The following ASAP2 variants were observed in gnomAD, a reference collection of about 807,000 sequenced individuals.
ASAP2 encodes the protein arf-GAP with SH3 domain, ANK repeat and PH domain-containing protein 2.
Under a neutral mutation model 131.4 loss-of-function variants are expected in ASAP2, and 45 were observed. The observed-to-expected ratio is 0.34, with a 90% CI of 0.27 to 0.44. The LOEUF (loss-of-function observed/expected upper bound fraction) is 0.44. ASAP2 is among the 20% of genes least tolerant of loss of function. ASAP2 has a pLI of 1.00. For missense variants in ASAP2, 1,011 were observed against 1,297.0 expected (o/e 0.78, Z 3.39); for synonymous variants, 510 against 503.0 (o/e 1.01, Z -0.19).
Position 9,356,211 on chromosome 2 carries a change from A to C in ASAP2, c.1193A>C (p.Glu398Ala). 8 of 1,614,118 alleles carry C rather than the reference A, an allele frequency of 5.0e-6. No homozygotes were observed. Among genetic ancestry groups the C allele is most frequent in the Non-Finnish European group, 6.8e-6 (8 of 1,179,978 alleles). The stretch of plus-strand genomic sequence containing the variant: ...TCTGTGCTGCAAAATAGCAAAGAAG[A>C]AGCTTTAAACAATGCATTTAAGGGG... ...WMSVLQNSKE[E>A]ALNNAFKGDD... Residue 398 changes from glutamate (E) to alanine (A), a missense_variant, in exon 14 of 28, where the codon GAA becomes GCA. Transcript: ENST00000281419.
intron 1 of ASAP2, among the ~76,000 whole-genome samples, chr2:9,276,602 A>G (rs186455110): frequency 5.9e-5 from 9 of 151,966 alleles, no homozygotes; most frequent in African/African-American, 2.2e-4. Context: ...TAGCGGCACA[A>G]TCTTGGCTCA....
intron 1 of ASAP2, among the ~76,000 whole-genome samples, chr2:9,274,514 A>C (rs536077751): frequency 2.0e-5 from 3 of 151,756 alleles, no homozygotes; most frequent in African/African-American, 7.3e-5. Flanking sequence ...GTAGAATCGG[A>C]GTTTTACCAT....
rs904530957 is a variant in ASAP2 at position 9,323,068 on chromosome 2, C to T, written c.471-53C>T. ...TACTGGGGTGGCTTCAAGGCTGTCC[C>T]GTTGAGTTCTGTGCCAACAGGCATC... On this transcript the variant is annotated intron_variant, in intron 5 of 27. Transcript: ENST00000281419. 40 of 1,609,444 alleles carry T rather than the reference C, an allele frequency of 2.5e-5. No homozygotes were observed. The African/African-American group carries it at 3.6e-4, about 15-fold the overall frequency.
chr2:9,297,797 A>G (rs1668237743), intron 3 of ASAP2, among the ~76,000 whole-genome samples: 1 of 152,186 alleles, frequency 6.6e-6, no homozygotes, highest in Non-Finnish European at 1.5e-5. Flanking sequence ...TAAGCTTATA[A>G]TATTTAATAA....
chr2:9,335,250 G>A (rs780537753), intron 9 of ASAP2, 71 bp downstream of exon 9: 2 of 1,373,832 alleles, frequency 1.5e-6, no homozygotes, highest in Non-Finnish European at 2.1e-6. Flanking sequence ...TGAAGAACAT[G>A]AAGTTCATGT....
In ASAP2 at chr2:9,311,368, A is replaced by G. The variant is rs1379133870; in HGVS notation, c.346-7156A>G. On this transcript the variant is annotated intron_variant, in intron 3 of 27. Transcript: ENST00000281419. This position sits in a 1 kb window ranked among gnomAD's most constrained non-coding sequence, Gnocchi z 5.2. ...GAGAGGCACTCTCTCAAAAAAAAAA[A>G]GAAAAAAAAAGTTTGCCTGCTTGTT... Among the ~76,000 whole-genome samples, 4 of 150,304 alleles carry G rather than the reference A, an allele frequency of 2.7e-5. No homozygotes were observed. The highest frequency in any genetic ancestry group is 5.9e-5 in the Non-Finnish European group (4 of 67,496).
At chr2:9,348,412 A>G (rs1481253041) in intron 11 of ASAP2, among the ~76,000 whole-genome samples, 1 of 152,234 alleles carries the variant, frequency 6.6e-6, no homozygotes, top group Non-Finnish European at 1.5e-5. Flanking sequence ...GGCGTGAGCT[A>G]CTGCGCCCAG....
intron 1 of ASAP2, among the ~76,000 whole-genome samples, chr2:9,266,352 G>A (rs1206950163): frequency 1.3e-5 from 2 of 152,052 alleles, no homozygotes; most frequent in Admixed American, 6.6e-5. Flanking sequence ...TCACTGTGTT[G>A]CCTAGGCCTG....
chr2:9,245,878 C>T (rs1370038074), intron 1 of ASAP2, among the ~76,000 whole-genome samples: 1 of 152,174 alleles, frequency 6.6e-6, no homozygotes, highest in African/African-American at 2.4e-5. Context: ...AGAACTTGTT[C>T]TCAATAAATA....
At chr2:9,252,106 C>G (rs2148139199) in intron 1 of ASAP2, among the ~76,000 whole-genome samples, 1 of 152,304 alleles carries the variant, frequency 6.6e-6, no homozygotes, top group African/African-American at 2.4e-5. Context: ...GTCACAAAAG[C>G]CGTTAACACA....
chr2:9,207,006 G>GGCGGCA lies in ASAP2; in HGVS notation c.-93_-88dup. ...CCCTTTGTCCGCGGGCCGGAGCGGC[G>GGCGGCA]GCGGCAGCGGCGGTGTCCGAGCGGC... On this transcript the variant is annotated 5_prime_UTR_variant, in exon 1 of 28. Transcript: ENST00000281419. The surrounding 1 kb of genome is among the most constrained non-coding windows in gnomAD (Gnocchi z 4.1). 2 of 1,061,212 alleles carry GGCGGCA rather than the reference G, an allele frequency of 1.9e-6. No homozygotes were observed. The highest frequency in any genetic ancestry group is 5.8e-5 in the East Asian group (1 of 17,212). 65.7% of individuals were successfully genotyped at this position (1,061,212 alleles called of 1,614,324 possible). A position where few individuals can be genotyped will look rare whatever the true frequency, so the allele number is the denominator to read the frequency against.
At chr2:9,337,670 A>G (rs1463696841) in intron 9 of ASAP2, among the ~76,000 whole-genome samples, 1 of 152,194 alleles carries the variant, frequency 6.6e-6, no homozygotes. Context: ...AGGAATGAAG[A>G]GTGGCCATTC....
chr2:9,349,852 T>C (rs1672216473), intron 11 of ASAP2, among the ~76,000 whole-genome samples: 2 of 152,056 alleles, frequency 1.3e-5, no homozygotes, highest in African/African-American at 4.8e-5. Context: ...TGTAGATGCA[T>C]ATGTGTATGT....
intron 3 of ASAP2, among the ~76,000 whole-genome samples, chr2:9,316,971 T>A (rs1669723903): frequency 1.6e-5 from 1 of 63,410 alleles, no homozygotes; most frequent in Admixed American, 2.0e-4. Context: ...ACACCCCCCG[T>A]CACACCCTCT....
In ASAP2 at chr2:9,243,183, A is replaced by G. The variant is rs551547194; in HGVS notation, c.126+35953A>G. 9.9e-5 allele frequency among the ~76,000 whole-genome samples: 15 copies of G among 152,264 alleles called. No homozygotes were observed. In the South Asian group the frequency reaches 1.9e-3, roughly 19 times the overall value. On this transcript the variant is annotated intron_variant, in intron 1 of 27. Coordinates refer to ENST00000281419, the MANE Select transcript of ASAP2 (RefSeq NM_003887.3). ...GAGTGCAGTGGCACAACCTCAGCTC[A>G]CTGCAAGCTCCGCCTCCCGGGTTCA...
chr2:9,274,319 C>CTTTTT lies in ASAP2; in HGVS notation c.127-4981_127-4977dup, dbSNP rs57798948. ...CATAAGACTGTTTCTAGCATTCAAT[C>CTTTTT]TTTTTTTTTTTTTTTTTTTTTGAGA... On this transcript the variant is annotated intron_variant, in intron 1 of 27. Transcript: ENST00000281419. Among the ~76,000 whole-genome samples, 46 of 106,748 alleles carry CTTTTT rather than the reference C, an allele frequency of 4.3e-4. 2 individuals are homozygous for CTTTTT. The highest frequency in any genetic ancestry group is 9.6e-4 in the African/African-American group (26 of 27,202). 70.0% of individuals were successfully genotyped at this position (106,748 alleles called of 152,430 possible).
chr2:9,297,459 T>C lies in ASAP2; in HGVS notation c.345+14T>C. On this transcript the variant is annotated intron_variant, in intron 3 of 27. Transcript: ENST00000281419. ...TTCAAAAACCTGGTAAGCAGCTCTG[T>C]GTATGAAATGCTGCGGTTACTTCAG... 1 of 1,613,672 alleles carries C rather than the reference T, an allele frequency of 6.2e-7. No homozygotes were observed. Among genetic ancestry groups the C allele is most frequent in the South Asian group, 1.1e-5 (1 of 91,064 alleles).
intron 3 of ASAP2, among the ~76,000 whole-genome samples, chr2:9,301,820 CT>C (rs1177064910): frequency 0.053 from 6,118 of 115,314 alleles, 202 homozygotes; most frequent in African/African-American, 0.16. Flanking sequence ...TATCCATCAT[CT>C]TTTTTTTTTT....
chr2:9,219,105 G>T (rs564384986), intron 1 of ASAP2, among the ~76,000 whole-genome samples: 7 of 152,312 alleles, frequency 4.6e-5, no homozygotes, highest in African/African-American at 1.7e-4. Flanking sequence ...TTGCTTCTCT[G>T]GTGAAAAGCA....
Sources: gnomAD v4.1 joint callset for allele counts (sites outside exome capture counted in the v4.1 genomes callset) on GRCh38, gnomAD v4.1.1 for gene constraint, Gnocchi (gnomAD v3.1) non-coding constraint, MANE v1.5 for transcripts, NCBI Gene and HGNC (gene_info 2026-07-23, HGNC 2026-07-21) for gene names.